NAALADL2: variants seen among roughly 807,000 people sequenced by gnomAD.
NAALADL2 encodes the protein N-acetylated alpha-linked acidic dipeptidase like 2.
In NAALADL2, 76 loss-of-function variants were observed where a neutral mutation model predicts 87.2. That is an observed-to-expected ratio of 0.87 (90% CI 0.72 to 1.05). The LOEUF (loss-of-function observed/expected upper bound fraction) is 1.05, where lower values mean the gene tolerates loss of function less well. Ranked by LOEUF, NAALADL2 falls within the 50% of genes least tolerant of loss-of-function variation. The pLI, the probability that NAALADL2 is intolerant of heterozygous loss-of-function variation, is 0.00. For missense variants in NAALADL2, 1,089 were observed against 945.8 expected, an observed-to-expected ratio of 1.15 and a Z score of -1.99; for synonymous variants, 354 against 331.0, an observed-to-expected ratio of 1.07 and a Z score of -0.75.
At chr3:175,604,139 T>C (rs1723338643) in intron 10 of NAALADL2, among the ~76,000 whole-genome samples, 1 of 152,144 alleles carries the variant, frequency 6.6e-6, no homozygotes, top group African/African-American at 2.4e-5. Flanking sequence ...TAATAACAGC[T>C]GTCCCATTTT....
At chr3:175,037,132 T>C (rs1753515719) in intron 1 of NAALADL2, among the ~76,000 whole-genome samples, 1 of 152,092 alleles carries the variant, frequency 6.6e-6, no homozygotes, top group Non-Finnish European at 1.5e-5. Context: ...AAGCTACTTT[T>C]AGATCCAGAT....
intron 6 of NAALADL2, among the ~76,000 whole-genome samples, chr3:175,460,826 G>T (rs917823677): frequency 6.6e-6 from 1 of 152,178 alleles, no homozygotes; most frequent in South Asian, 2.1e-4. Flanking sequence ...AAGAGGCAGG[G>T]TGTTGCAGAC....
chr3:174,786,603 TTTG>T (rs1212343347), intron 3 of NAALADL2, among the ~76,000 whole-genome samples: 1 of 83,292 alleles, frequency 1.2e-5, no homozygotes, highest in Non-Finnish European at 3.2e-5. Flanking sequence ...TGAGATTTTT[TTTG>T]TTTATCTTTT....
intron 13 of NAALADL2, among the ~76,000 whole-genome samples, chr3:175,758,385 A>G (rs1295552018): frequency 6.6e-6 from 1 of 151,682 alleles, no homozygotes; most frequent in African/African-American, 2.4e-5. Context: ...AATTTATGTT[A>G]CTATATTAAT....
intron 1 of NAALADL2, among the ~76,000 whole-genome samples, chr3:174,920,892 A>C (rs1735083235): frequency 6.6e-6 from 1 of 152,180 alleles, no homozygotes; most frequent in South Asian, 2.1e-4. Flanking sequence ...TCTGAGAAGG[A>C]GGCCTGAGGA....
At chr3:175,428,033 A>T (rs113688165) in intron 5 of NAALADL2, among the ~76,000 whole-genome samples, 24 of 152,242 alleles carry the variant, frequency 1.6e-4, no homozygotes, top group African/African-American at 5.3e-4. Context: ...TAAGAACATA[A>T]ATGGCACTAA....
chr3:175,324,093 C>A, intron 4 of NAALADL2, 82 bp from the exon 5 acceptor site: 6 of 904,898 alleles, frequency 6.6e-6, no homozygotes, highest in Non-Finnish European at 8.2e-6. Flanking sequence ...GTCATCTTAT[C>A]ATAGCCACAT....
chr3:174,623,314 T>C (rs188317807), intron 2 of NAALADL2, among the ~76,000 whole-genome samples: 36 of 152,306 alleles, frequency 2.4e-4, no homozygotes, highest in Admixed American at 6.5e-4. Context: ...AGAGTTAATT[T>C]ATGCAGTTAT....
intron 5 of NAALADL2, among the ~76,000 whole-genome samples, chr3:175,353,604 T>C (rs970118459): frequency 2.0e-5 from 3 of 152,180 alleles, no homozygotes; most frequent in Non-Finnish European, 4.4e-5. Context: ...TGCTTTTCAG[T>C]GCATTGTTGT....
intron 2 of NAALADL2, among the ~76,000 whole-genome samples, chr3:174,605,239 C>G (rs1161614492): frequency 6.6e-6 from 1 of 152,186 alleles, no homozygotes; most frequent in Non-Finnish European, 1.5e-5. Flanking sequence ...GTGAGCAACG[C>G]AGAAGACGGG....
chr3:174,681,708 T>C (rs1458368912), intron 2 of NAALADL2, among the ~76,000 whole-genome samples: 1 of 152,160 alleles, frequency 6.6e-6, no homozygotes, highest in Admixed American at 6.5e-5. Flanking sequence ...AGGTGTGACC[T>C]ACAACTTTTC....
chr3:174,502,682 A>G (rs1015492650), intron 1 of NAALADL2, among the ~76,000 whole-genome samples: 8 of 152,140 alleles, frequency 5.3e-5, no homozygotes, highest in African/African-American at 1.9e-4. Flanking sequence ...CAGCAACATT[A>G]TACTTTTCTA....
chr3:174,572,270 G>A (rs1715015471), intron 2 of NAALADL2, among the ~76,000 whole-genome samples: 1 of 152,092 alleles, frequency 6.6e-6, no homozygotes, highest in Admixed American at 6.6e-5. Flanking sequence ...GACAGGAGGT[G>A]CATGCTGCCA....
rs533179312 is a variant in NAALADL2 at position 174,582,373 on chromosome 3, A to G, written c.-115+31736A>G. Among the ~76,000 whole-genome samples the G allele has an allele frequency of 8.5e-5, 13 of 152,324 alleles. No individual in the cohort carries two copies. In the East Asian group the frequency reaches 2.5e-3, roughly 29 times the overall value. On this transcript the variant is annotated intron_variant, in intron 2 of 3. Coordinates refer to the NAALADL2 transcript ENST00000434257. Reference sequence around the variant, plus strand: ...ATACTTGCTTCTATTTTCTTTTACAAAATTTGCACACTGTATTACCGGAAA... The same window carrying G: ...ATACTTGCTTCTATTTTCTTTTACAGAATTTGCACACTGTATTACCGGAAA...
intron 1 of NAALADL2, among the ~76,000 whole-genome samples, chr3:174,920,817 C>A (rs547177087): frequency 6.6e-6 from 1 of 152,260 alleles, no homozygotes; most frequent in East Asian, 1.9e-4. Context: ...ATATGTTACT[C>A]TTCTTTTCAC....
intron 1 of NAALADL2, among the ~76,000 whole-genome samples, chr3:175,077,021 C>A (rs1241491829): frequency 1.3e-5 from 2 of 151,982 alleles, no homozygotes; most frequent in Non-Finnish European, 2.9e-5. Context: ...CTTTTAATGA[C>A]CCTCAGTGGA....
At chr3:175,003,354 CA>C (rs113056666) in intron 1 of NAALADL2, among the ~76,000 whole-genome samples, 5,591 of 151,974 alleles carry the variant, frequency 0.037, 325 homozygotes, top group African/African-American at 0.13. Context: ...CATGTCTCTA[CA>C]AAAAACAACA....
chr3:174,476,754 T>C (rs1436179755), intron 1 of NAALADL2, among the ~76,000 whole-genome samples: 3 of 152,098 alleles, frequency 2.0e-5, no homozygotes, highest in East Asian at 1.9e-4. Context: ...TCAGTGTCGA[T>C]GTTTATCCAT....
intron 1 of NAALADL2, among the ~76,000 whole-genome samples, chr3:175,058,334 T>C (rs1401647145): frequency 6.6e-6 from 1 of 152,224 alleles, no homozygotes; most frequent in African/African-American, 2.4e-5. Flanking sequence ...AGTCATTTAA[T>C]TTATTAATTT....
Sources: allele counts gnomAD v4.1 joint callset (sites outside exome capture counted in the v4.1 genomes callset), GRCh38; gene constraint gnomAD v4.1.1; transcripts MANE v1.5; gene names NCBI Gene and HGNC (gene_info 2026-07-23, HGNC 2026-07-21).